MCTP2: variants seen among roughly 807,000 people sequenced by gnomAD.
The protein encoded by MCTP2 is multiple C2 and transmembrane domain containing 2.
MCTP2 carries 132 observed loss-of-function variants against 111.6 expected under a neutral mutation model. That is an observed-to-expected ratio of 1.18 (90% CI 1.03 to 1.37). MCTP2 has a LOEUF of 1.37. Ranked by LOEUF, MCTP2 falls within the 40% of genes most tolerant of loss-of-function variation. The pLI is 0.00. For missense variants in MCTP2, 1,183 were observed against 1,067.9 expected (o/e 1.11, Z -1.50); for synonymous variants, 395 against 387.7 (o/e 1.02, Z -0.22).
chr15:94,294,318 C>T (rs1314617162), intron 1 of MCTP2, among the ~76,000 whole-genome samples: 3 of 152,042 alleles, frequency 2.0e-5, no homozygotes, highest in Non-Finnish European at 4.4e-5. Flanking sequence ...TAGAACTGTG[C>T]ACCAAAAGTG....
chr15:94,384,160 G>T, intron 13 of MCTP2, 36 bp downstream of exon 13: 1 of 1,441,690 alleles, frequency 6.9e-7, no homozygotes, highest in Non-Finnish European at 9.7e-7. Context: ...TTTCTGCTGT[G>T]CTTGGAAGGT....
intron 4 of MCTP2, among the ~76,000 whole-genome samples, chr15:94,331,513 G>A (rs536853024): frequency 1.3e-5 from 2 of 152,144 alleles, no homozygotes; most frequent in South Asian, 4.1e-4. Flanking sequence ...GGGCTGTGGT[G>A]CAGGGAAGAA....
At chr15:94,423,876 A>T (rs1384064818) in intron 17 of MCTP2, among the ~76,000 whole-genome samples, 3 of 152,228 alleles carry the variant, frequency 2.0e-5, no homozygotes. Flanking sequence ...ATGTATGCAC[A>T]CATATATGCA....
rs2083277434 is a variant in MCTP2 at position 94,433,055 on chromosome 15, T to C, written c.2086-7121T>C. On this transcript the variant is annotated intron_variant, in intron 17 of 22. Transcript: ENST00000357742. The stretch of plus-strand genomic sequence containing the variant: ...GTGACATGAGGTTACATCCTTCTCG[T>C]GTTATACTTAAAGAAACAATACATA... 2.6e-5 allele frequency among the ~76,000 whole-genome samples: 4 copies of C among 151,962 alleles called. 1 individual carries two copies. Among genetic ancestry groups the C allele is most frequent in the Admixed American group, 2.6e-4 (4 of 15,270 alleles).
chr15:94,356,965 TGTCA>T (rs1345917269), intron 9 of MCTP2, among the ~76,000 whole-genome samples: 1 of 152,170 alleles, frequency 6.6e-6, no homozygotes, highest in Non-Finnish European at 1.5e-5. Flanking sequence ...TTTACATAAC[TGTCA>T]GACAGGAATA....
At chr15:94,388,918 C>T (rs2080688270) in intron 14 of MCTP2, among the ~76,000 whole-genome samples, 3 of 152,248 alleles carry the variant, frequency 2.0e-5, no homozygotes. Flanking sequence ...ATATCATCTC[C>T]AAAGCAAGAA....
intron 19 of MCTP2, among the ~76,000 whole-genome samples, chr15:94,446,300 G>T (rs1388659399): frequency 6.6e-6 from 1 of 152,164 alleles, no homozygotes; most frequent in South Asian, 2.1e-4. Flanking sequence ...GTAAGAAATT[G>T]CTTGTTACAA....
At chr15:94,327,351 G>A (rs754582638) in intron 4 of MCTP2, among the ~76,000 whole-genome samples, 3 of 152,080 alleles carry the variant, frequency 2.0e-5, no homozygotes, top group Admixed American at 2.0e-4. Context: ...ATGATGTGAC[G>A]GTCACTTTTT....
chr15:94,474,143 C>CCT (rs2074153236), intron 21 of MCTP2, among the ~76,000 whole-genome samples: 1 of 151,640 alleles, frequency 6.6e-6, no homozygotes, highest in Non-Finnish European at 1.5e-5. Flanking sequence ...ACAGATATAC[C>CCT]CTCCCTCTGT....
Position 94,401,940 on chromosome 15 carries a change from T to A in MCTP2, c.2006T>A (p.Met669Lys). Residue 669 changes from methionine (M) to lysine (K), a missense_variant, in exon 17 of 23, where the codon ATG (methionine) becomes AAG (lysine). Met to Lys is a moderately conservative substitution (Grantham distance 95). Coordinates refer to ENST00000357742, the MANE Select transcript of MCTP2 (RefSeq NM_001385001.1). ...RDVDRVKRITMAIWNTMQFLK... is the reference protein window; with the variant it reads ...RDVDRVKRITKAIWNTMQFLK... ...GTGGACCGTGTGAAAAGAATCACTA[T>A]GGCAATATGGAATACAATGCAGTTC... 1 of 1,612,756 alleles carries A rather than the reference T, an allele frequency of 6.2e-7. No individual in the cohort carries two copies. The highest frequency in any genetic ancestry group is 8.5e-7 in the Non-Finnish European group (1 of 1,178,860).
intron 8 of MCTP2, among the ~76,000 whole-genome samples, chr15:94,354,024 CAAT>C (rs1436096049): frequency 1.5e-4 from 22 of 145,624 alleles, no homozygotes; most frequent in African/African-American, 4.6e-4. Flanking sequence ...ATAATAATAA[CAAT>C]AATAATAATC....
At chr15:94,299,764 A>C (rs1356892043) in intron 2 of MCTP2, among the ~76,000 whole-genome samples, 3 of 152,146 alleles carry the variant, frequency 2.0e-5, no homozygotes, top group Non-Finnish European at 4.4e-5. Context: ...TTTAACTTGG[A>C]TTTTTAGTTT....
chr15:94,361,170 A>G (rs2078924772), intron 10 of MCTP2, among the ~76,000 whole-genome samples: 1 of 133,124 alleles, frequency 7.5e-6, no homozygotes, highest in Non-Finnish European at 1.5e-5. Flanking sequence ...CTATTTTCCA[A>G]CTGTTGGGAA....
At chr15:94,252,764 A>AGCC (rs1366420569) in intron 1 of MCTP2, among the ~76,000 whole-genome samples, 6 of 152,204 alleles carry the variant, frequency 3.9e-5, no homozygotes, top group Non-Finnish European at 7.3e-5. Context: ...TAGGGTTACC[A>AGCC]GCCATCAAAA....
Position 94,466,059 on chromosome 15 carries a change from T to C in MCTP2, c.2361-4274T>C, listed in dbSNP as rs373903408. ...CTGTCCAATTCATTCATTGGGTTCT[T>C]AACTTCAATTATTATGGTTTGCATT... is the stretch of plus-strand genomic sequence containing the variant. On this transcript the variant is annotated intron_variant, in intron 20 of 22. Coordinates refer to ENST00000357742, the MANE Select transcript of MCTP2 (RefSeq NM_001385001.1). Among the ~76,000 whole-genome samples, 8 of 152,318 alleles carry C rather than the reference T, an allele frequency of 5.3e-5. No individual in the cohort carries two copies. In the South Asian group the frequency reaches 1.5e-3, roughly 28 times the overall value.
intron 4 of MCTP2, among the ~76,000 whole-genome samples, chr15:94,323,483 C>T (rs541892103): frequency 6.6e-6 from 1 of 152,262 alleles, no homozygotes; most frequent in African/African-American, 2.4e-5. Context: ...GGAAGTGTGG[C>T]CACATTTAGA....
intron 2 of MCTP2, among the ~76,000 whole-genome samples, chr15:94,313,705 A>G: frequency 6.6e-6 from 1 of 152,024 alleles, no homozygotes; most frequent in Non-Finnish European, 1.5e-5. Context: ...TGTCTAAAAA[A>G]AAAAACAAAC....
intron 19 of MCTP2, among the ~76,000 whole-genome samples, chr15:94,443,210 T>C (rs2083889659): frequency 1.3e-5 from 2 of 152,156 alleles, no homozygotes; most frequent in African/African-American, 4.8e-5. Context: ...AGGAGGCCTT[T>C]CATTGGATAC....
intron 1 of MCTP2, among the ~76,000 whole-genome samples, chr15:94,275,844 A>AATT (rs2074162848): frequency 7.6e-6 from 1 of 131,540 alleles, no homozygotes. Context: ...TTTTATAAGC[A>AATT]TTTTTTTTTT....
Sources: gnomAD v4.1 joint callset for allele counts (sites outside exome capture counted in the v4.1 genomes callset) on GRCh38, gnomAD v4.1.1 for gene constraint, MANE v1.5 for transcripts, NCBI Gene and HGNC (gene_info 2026-07-23, HGNC 2026-07-21) for gene names.